The following CAMTA1 variants were observed in gnomAD, a reference collection of about 807,000 sequenced individuals.
CAMTA1 encodes calmodulin-binding transcription activator 1.
CAMTA1 carries 27 observed loss-of-function variants against 170.9 expected under a neutral mutation model. That is an observed-to-expected ratio of 0.16 (90% CI 0.12 to 0.22). The LOEUF (loss-of-function observed/expected upper bound fraction) is 0.22. Among genes scored for constraint, CAMTA1 ranks in the 10% least tolerant of loss-of-function variants. The probability of loss-of-function intolerance (pLI) is 1.00; values close to 1 mark genes in which losing one functional copy is unlikely to be tolerated. For synonymous variants in CAMTA1, 833 were observed against 891.5 expected, an observed-to-expected ratio of 0.93 and a Z score of 1.17; for missense variants, 1,619 against 2,217.2, an observed-to-expected ratio of 0.73 and a Z score of 5.42.
chr1:7,081,066 G>T (rs1558068269), intron 3 of CAMTA1, among the ~76,000 whole-genome samples: 1 of 152,232 alleles, frequency 6.6e-6, no homozygotes. Flanking sequence ...GCCTGGGCTG[G>T]AAGTGGTCTG....
chr1:6,868,940 G>C (rs972983765), intron 3 of CAMTA1, among the ~76,000 whole-genome samples: 26 of 152,180 alleles, frequency 1.7e-4, no homozygotes, highest in African/African-American at 6.3e-4. Flanking sequence ...GGGTCTTTGA[G>C]TATTTCCTGT....
Position 7,092,499 on chromosome 1 carries a change from A to G in CAMTA1, c.302+1128A>G, listed in dbSNP as rs913591727. On this transcript the variant is annotated intron_variant, in intron 4 of 22. Transcript: ENST00000303635. This position sits in a 1 kb window ranked among gnomAD's most constrained non-coding sequence, Gnocchi z 5.0. ...GAGGCTAGAGGGCATTGTGGAAGGAAGGTTAGTTATTGAGGCTCCCTTCCC... is the reference window on the plus strand; with the variant it reads ...GAGGCTAGAGGGCATTGTGGAAGGAGGGTTAGTTATTGAGGCTCCCTTCCC... Among the ~76,000 whole-genome samples the G allele has an allele frequency of 6.6e-6, 1 of 152,166 alleles. No individual in the cohort carries two copies. The highest frequency in any genetic ancestry group is 1.5e-5 in the Non-Finnish European group (1 of 68,038).
At chr1:7,583,820 T>TA (rs2095283419) in intron 6 of CAMTA1, among the ~76,000 whole-genome samples, 1 of 152,132 alleles carries the variant, frequency 6.6e-6, no homozygotes, top group Non-Finnish European at 1.5e-5. Flanking sequence ...TCCAGCCACT[T>TA]AGAAGGTGCC....
In CAMTA1 at chr1:7,119,906, G is replaced by T. The variant is rs372009131; in HGVS notation, c.302+28535G>T. Among the ~76,000 whole-genome samples, 34 of 152,242 alleles carry T rather than the reference G, an allele frequency of 2.2e-4. No homozygotes were observed. The East Asian group carries it at 6.4e-3, about 29-fold the overall frequency. On this transcript the variant is annotated intron_variant, in intron 4 of 22. Transcript: ENST00000303635. Reference sequence around the variant, plus strand: ...TGATGCACAGCAGAGAAGTTAGTTTGTCACCATGGATACCTGTGGGCCAAG... The same window carrying T: ...TGATGCACAGCAGAGAAGTTAGTTTTTCACCATGGATACCTGTGGGCCAAG...
chr1:7,609,812 G>A lies in CAMTA1; in HGVS notation c.511-30588G>A, dbSNP rs918983185. Among the ~76,000 whole-genome samples, 10 of 152,300 alleles carry A rather than the reference G, an allele frequency of 6.6e-5. No homozygotes were observed. The South Asian group carries it at 1.7e-3, about 25-fold the overall frequency. ...CCTCCCGCAGGGCACCTGTGAACAC[G>A]TGTGAGTGCCAGGAACTGAGGTTCC... On this transcript the variant is annotated intron_variant, in intron 6 of 22. Transcript: ENST00000303635. The surrounding 1 kb of genome is among the most constrained non-coding windows in gnomAD (Gnocchi z 4.4).
intron 5 of CAMTA1, among the ~76,000 whole-genome samples, chr1:7,377,893 T>C (rs1156647088): frequency 1.3e-5 from 2 of 152,050 alleles, no homozygotes; most frequent in Non-Finnish European, 2.9e-5. Context: ...TGCACTCCAG[T>C]CTGGGTGACA....
chr1:6,917,302 G>A (rs1681018556), intron 3 of CAMTA1, among the ~76,000 whole-genome samples: 1 of 152,082 alleles, frequency 6.6e-6, no homozygotes, highest in Admixed American at 6.5e-5. Context: ...GGGATGCAGG[G>A]CCTGGTAAGC....
At chr1:7,691,744 G>A (rs2149410497) in intron 11 of CAMTA1, among the ~76,000 whole-genome samples, 1 of 152,312 alleles carries the variant, frequency 6.6e-6, no homozygotes, top group East Asian at 1.9e-4. Context: ...ATAGACAAGA[G>A]AGCGAGAGAG....
intron 3 of CAMTA1, among the ~76,000 whole-genome samples, chr1:6,921,383 G>A (rs777555011): frequency 6.6e-6 from 1 of 152,150 alleles, no homozygotes; most frequent in African/African-American, 2.4e-5. Context: ...ATATCATTAA[G>A]CATTTTTTGT....
At chr1:6,904,961 C>T (rs978790524) in intron 3 of CAMTA1, among the ~76,000 whole-genome samples, 1 of 151,974 alleles carries the variant, frequency 6.6e-6, no homozygotes, top group Non-Finnish European at 1.5e-5. Flanking sequence ...AACATTCTTT[C>T]TCCAACAGGT....
At position 7,680,862 on chromosome 1, in the gene CAMTA1, C is replaced by CAGT. The variant is rs1491546706; in HGVS notation, c.2914+3131_2914+3132insTAG. 5.1e-4 allele frequency among the ~76,000 whole-genome samples: 4 copies of CAGT among 7,792 alleles called. No individual in the cohort carries two copies. In the Admixed American group the frequency reaches 0.012, roughly 23 times the overall value. 5.1% of individuals were successfully genotyped at this position (7,792 alleles called of 152,430 possible). On this transcript the variant is annotated intron_variant, in intron 11 of 22. Transcript: ENST00000303635. This position sits in a 1 kb window ranked among gnomAD's most constrained non-coding sequence, Gnocchi z 4.4. ...AGAACACGCGCGCGCGCGCGCGCGC[C>CAGT]AGCAGCAGCAGCAGCAGCAGCTGCT...
At chr1:7,260,544 C>A (rs1190062518) in intron 5 of CAMTA1, among the ~76,000 whole-genome samples, 2 of 152,204 alleles carry the variant, frequency 1.3e-5, no homozygotes, top group Admixed American at 1.3e-4. Flanking sequence ...CAGGGCTAGT[C>A]CCAGTGATAC....
At chr1:7,515,420 C>T (rs1372878319) in intron 6 of CAMTA1, among the ~76,000 whole-genome samples, 2 of 152,214 alleles carry the variant, frequency 1.3e-5, no homozygotes, top group African/African-American at 4.8e-5. Flanking sequence ...TCAGGTGAGT[C>T]ATTCAACCTC....
intron 6 of CAMTA1, among the ~76,000 whole-genome samples, chr1:7,621,394 T>C (rs1195402578): frequency 1.3e-5 from 2 of 152,230 alleles, no homozygotes; most frequent in African/African-American, 2.4e-5. Context: ...TGGTCTGGGA[T>C]GCCAGGAATT....
At chr1:7,283,094 A>G (rs1318310190) in intron 5 of CAMTA1, among the ~76,000 whole-genome samples, 1 of 152,192 alleles carries the variant, frequency 6.6e-6, no homozygotes, top group Non-Finnish European at 1.5e-5. Flanking sequence ...AAATAATTAT[A>G]TAAAAGAGCA....
At chr1:7,171,672 C>T (rs139514686) in intron 4 of CAMTA1, among the ~76,000 whole-genome samples, 6 of 152,310 alleles carry the variant, frequency 3.9e-5, no homozygotes, top group East Asian at 1.9e-4. Context: ...GCATTTAGCA[C>T]GTCCACGATG....
intron 4 of CAMTA1, among the ~76,000 whole-genome samples, chr1:7,191,191 G>T (rs141132570): frequency 6.6e-6 from 1 of 152,284 alleles, no homozygotes; most frequent in African/African-American, 2.4e-5. Context: ...AGAAATAAAT[G>T]GTGCTGTGTT....
At chr1:7,686,339 T>C (rs1437774962) in intron 11 of CAMTA1, among the ~76,000 whole-genome samples, 1 of 152,030 alleles carries the variant, frequency 6.6e-6, no homozygotes, top group Non-Finnish European at 1.5e-5. Context: ...AGAGGAGGCC[T>C]GTATGAGAAG....
chr1:7,284,177 C>CTTCTTCTTCTTA lies in CAMTA1; in HGVS notation c.438+34553_438+34554insCTTCTTCTTATT, dbSNP rs1333698169. Reference sequence around the variant, plus strand: ...TCTTCTTCTTCTTCTTCTTCTTCTTCTTATTATTATTATTATTATTATTAT... The same window carrying CTTCTTCTTCTTA: ...TCTTCTTCTTCTTCTTCTTCTTCTTCTTCTTCTTCTTATTATTATTATTATTATTATTATTAT... On this transcript the variant is annotated intron_variant, in intron 5 of 22. Coordinates refer to ENST00000303635, the MANE Select transcript of CAMTA1 (RefSeq NM_015215.4). Among the ~76,000 whole-genome samples, 116 of 99,300 alleles carry CTTCTTCTTCTTA rather than the reference C, an allele frequency of 1.2e-3. 1 individual carries two copies. The highest frequency in any genetic ancestry group is 2.3e-3 in the East Asian group (8 of 3,456). The allele number at this position is 99,300 out of a possible 152,430, so 65.1% of individuals were successfully genotyped here. A position where few individuals can be genotyped will look rare whatever the true frequency, so the allele number is the denominator to read the frequency against.
Sources: allele counts gnomAD v4.1 joint callset (sites outside exome capture counted in the v4.1 genomes callset), GRCh38; gene constraint gnomAD v4.1.1; non-coding constraint Gnocchi (gnomAD v3.1); transcripts MANE v1.5; gene names NCBI Gene and HGNC (gene_info 2026-07-23, HGNC 2026-07-21).